Variants in ISL1 observed in about 807,000 individuals in gnomAD.
ISL1 encodes insulin gene enhancer protein ISL-1.
Under a neutral mutation model 35.3 loss-of-function variants are expected in ISL1, and 4 were observed. That is an observed-to-expected ratio of 0.11 (90% CI 0.06 to 0.26). The LOEUF is 0.26. Ranked by LOEUF, ISL1 falls within the 10% of genes least tolerant of loss-of-function variation. The pLI, the probability that ISL1 is intolerant of heterozygous loss-of-function variation, is 1.00. For missense variants in ISL1, 340 were observed against 472.8 expected, an observed-to-expected ratio of 0.72 and a Z score of 2.60; for synonymous variants, 186 against 172.3, an observed-to-expected ratio of 1.08 and a Z score of -0.62.
chr5:51,386,376 CTGTGTGTGTGTGTGTGTGTG>C (rs3138746), intron 2 of ISL1: 4 of 262,662 alleles, frequency 1.5e-5, no homozygotes, highest in South Asian at 3.6e-5. Context: ...TCTCTCAACT[CTGTGTGTGTGTGTGTGTGTG>C]TGTGTGTGTG....
chr5:51,391,527 G>A (rs2111855066), intron 5 of ISL1, 86 bp downstream of exon 5: 1 of 1,498,006 alleles, frequency 6.7e-7, no homozygotes, highest in Non-Finnish European at 9.2e-7. Context: ...ATTCAGTGGG[G>A]AGGGTGCCTT....
At position 51,387,562 on chromosome 5, in the gene ISL1, C is replaced by T. The variant is rs1482189050; in HGVS notation, c.291C>T (p.Ser97=). The change falls in exon 3 of 6, where the codon TCC becomes TCT. Residue 97 remains serine (S), a synonymous_variant. Transcript: ENST00000230658. This position sits in a 1 kb window ranked among gnomAD's most constrained non-coding sequence, Gnocchi z 4.3. ...SKNDFVMRAR[S]KVYHIECFRC... The stretch of plus-strand genomic sequence containing the variant: ...ACGACTTCGTGATGCGTGCCCGCTC[C>T]AAGGTGTATCACATCGAGTGTTTCC... The T allele has an allele frequency of 1.9e-6, 3 of 1,614,228 alleles. No individual in the cohort carries two copies. Among genetic ancestry groups the T allele is most frequent in the Non-Finnish European group, 1.7e-6 (2 of 1,180,038 alleles).
At chr5:51,388,322 A>G (rs900243558) in intron 3 of ISL1, among the ~76,000 whole-genome samples, 2 of 152,210 alleles carry the variant, frequency 1.3e-5, no homozygotes, top group African/African-American at 4.8e-5. Flanking sequence ...AGGCCATTGC[A>G]CAGAGTTGTA....
At position 51,383,637 on chromosome 5, in the gene ISL1, C is replaced by G. The variant is rs375345896; in HGVS notation, c.-35C>G. 2 of 1,578,404 alleles carry G rather than the reference C, an allele frequency of 1.3e-6. No individual in the cohort carries two copies. Among genetic ancestry groups the G allele is most frequent in the Admixed American group, 3.3e-5 (2 of 59,970 alleles). ...GGGCTGTTCACCAACTGTACAACCA[C>G]CATTTCACTGTGGACATTACTCCCT... On this transcript the variant is annotated 5_prime_UTR_variant, in exon 1 of 6. Coordinates refer to ENST00000230658, the MANE Select transcript of ISL1 (RefSeq NM_002202.3).
chr5:51,384,629 T>C lies in ISL1; in HGVS notation c.117T>C (p.His39=), dbSNP rs1561205748. The C allele has an allele frequency of 1.2e-6, 2 of 1,614,162 alleles. No homozygotes were observed. Among genetic ancestry groups the C allele is most frequent in the Admixed American group, 1.7e-5 (1 of 60,020 alleles). ...GGGTTTCTCCGGATTTGGAATGGCA[T>C]GCGGCATGTTTGAAATGTGCGGAGT... ...ILRVSPDLEW[H]AACLKCAECN... is the part of the protein sequence containing the mutation. The change falls in exon 2 of 6, where the codon CAT becomes CAC. Residue 39 remains histidine (H), a synonymous_variant. Coordinates refer to ENST00000230658, the MANE Select transcript of ISL1 (RefSeq NM_002202.3).
At chr5:51,390,520 A>G (rs1162661326) in intron 4 of ISL1, among the ~76,000 whole-genome samples, 1 of 152,054 alleles carries the variant, frequency 6.6e-6, no homozygotes, top group Non-Finnish European at 1.5e-5. Flanking sequence ...CCACAGAGGC[A>G]TCAGGCCCCT....
chr5:51,393,542 G>C lies in ISL1; in HGVS notation c.982G>C (p.Val328Leu). 1 of 1,614,002 alleles carries C rather than the reference G, an allele frequency of 6.2e-7. No homozygotes were observed. Residue 328 changes from valine (V) to leucine (L), a missense_variant, in exon 6 of 6, where the codon GTA becomes CTA. Coordinates refer to ENST00000230658, the MANE Select transcript of ISL1 (RefSeq NM_002202.3). ...GPGSNSTGSE[V>L]ASMSSQLPDT... ...GGGCTCTAATTCCACTGGCAGTGAA[G>C]TAGCATCAATGTCCTCTCAACTTCC...
At chr5:51,386,362 ACTCT>A (rs1391564418) in intron 2 of ISL1, 3 of 282,652 alleles carry the variant, frequency 1.1e-5, no homozygotes, top group East Asian at 9.1e-5. Context: ...CCTTCTCTTC[ACTCT>A]CTCTCAACTC....
At chr5:51,384,402 C>T (rs756832702) in intron 1 of ISL1, 139 bp from the exon 2 acceptor site, 59 of 683,820 alleles carry the variant, frequency 8.6e-5, no homozygotes, top group Admixed American at 1.5e-4. Flanking sequence ...GTGCAATGCT[C>T]TAAAAAAAAA....
chr5:51,393,534 G>C lies in ISL1; in HGVS notation c.974G>C (p.Gly325Ala), dbSNP rs1747565748. The change falls in exon 6 of 6, where the codon GGC becomes GCC. Residue 325 changes from glycine (G) to alanine (A), a missense_variant. This residue lies in a region of ISL1 where 104 missense variants were observed against 97.3 expected (regional missense o/e 1.07). Transcript: ENST00000230658. ...SEGGPGSNST[G>A]SEVASMSSQL... ...GGAGGACCGGGCTCTAATTCCACTG[G>C]CAGTGAAGTAGCATCAATGTCCTCT... 1.2e-6 allele frequency: 2 copies of C among 1,613,778 alleles called. No homozygotes were observed. The highest frequency in any genetic ancestry group is 1.7e-5 in the Admixed American group (1 of 60,004).
In ISL1 at chr5:51,383,520, G is replaced by A. The variant is rs1179303013; in HGVS notation, c.-152G>A. The A allele has an allele frequency of 2.6e-5, 19 of 744,868 alleles. No homozygotes were observed. The East Asian group carries it at 4.8e-4, about 19-fold the overall frequency. 46.1% of individuals were successfully genotyped at this position (744,868 alleles called of 1,614,324 possible). A position where few individuals can be genotyped will look rare whatever the true frequency, so the allele number is the denominator to read the frequency against. On this transcript the variant is annotated 5_prime_UTR_variant, in exon 1 of 6. Coordinates refer to ENST00000230658, the MANE Select transcript of ISL1 (RefSeq NM_002202.3). ...TAAATTGGACTCCTAGATCCGCGAG[G>A]GCGCGGCGCAGCCGAGCAGCGGCTC...
At position 51,387,426 on chromosome 5, in the gene ISL1, A is replaced by ACC. The variant is rs1267354100; in HGVS notation, c.219-60_219-59dup. ...GCCAGGGAAGTGCCGGCCTGAAGTG[A>ACC]CCCCCTCTTCCTGTACTTCTCTCCC... On this transcript the variant is annotated intron_variant, in intron 2 of 5. Transcript: ENST00000230658. The surrounding 1 kb of genome is among the most constrained non-coding windows in gnomAD (Gnocchi z 4.3). 1.3e-6 allele frequency: 2 copies of ACC among 1,571,276 alleles called. No individual in the cohort carries two copies. The highest frequency in any genetic ancestry group is 1.8e-4 in the Middle Eastern group (1 of 5,682).
At position 51,384,573 on chromosome 5, in the gene ISL1, G is replaced by C; in HGVS notation, c.61G>C (p.Gly21Arg). 6.2e-7 allele frequency: 1 copy of C among 1,614,068 alleles called. No individual in the cohort carries two copies. The change falls in exon 2 of 6, where the codon GGC (glycine) becomes CGC (arginine). Residue 21 changes from glycine to arginine, a missense_variant. Physicochemically the swap from Gly to Arg is moderately radical, Grantham distance 125. This residue lies in a region of ISL1 where 70 missense variants were observed against 130.3 expected (regional missense o/e 0.54). Transcript: ENST00000230658. Reference sequence around the variant, plus strand: ...TCTGATTTCCCTATGTGTTGGTTGCGGCAATCAGATTCACGATCAGTATAT... The same window carrying C: ...TCTGATTTCCCTATGTGTTGGTTGCCGCAATCAGATTCACGATCAGTATAT... Reference protein sequence around the residue: ...KRLISLCVGCGNQIHDQYILR... With the variant: ...KRLISLCVGCRNQIHDQYILR...
Position 51,387,882 on chromosome 5 carries a change from A to T in ISL1, c.478+133A>T. ...CAGTTAAATGAAGTGTTCTGTATGCAATTTGCGCTGTGCTCTGCTCCTTTG... is the reference window on the plus strand; with the variant it reads ...CAGTTAAATGAAGTGTTCTGTATGCTATTTGCGCTGTGCTCTGCTCCTTTG... On this transcript the variant is annotated intron_variant, in intron 3 of 5. Coordinates refer to ENST00000230658, the MANE Select transcript of ISL1 (RefSeq NM_002202.3). This position sits in a 1 kb window ranked among gnomAD's most constrained non-coding sequence, Gnocchi z 4.3. 1 of 1,211,526 alleles carries T rather than the reference A, an allele frequency of 8.3e-7. No individual in the cohort carries two copies. Among genetic ancestry groups the T allele is most frequent in the South Asian group, 1.4e-5 (1 of 73,888 alleles). The allele number at this position is 1,211,526 out of a possible 1,614,324, so 75.0% of individuals were successfully genotyped here.
intron 3 of ISL1, among the ~76,000 whole-genome samples, chr5:51,388,294 TAC>T (rs1176047890): frequency 3.3e-5 from 5 of 152,234 alleles, no homozygotes; most frequent in Non-Finnish European, 5.9e-5. Context: ...ACTGAAAAGA[TAC>T]AGTTTTAAAA....
intron 2 of ISL1, among the ~76,000 whole-genome samples, chr5:51,385,679 G>C (rs1368314096): frequency 1.3e-5 from 2 of 151,574 alleles, no homozygotes; most frequent in Non-Finnish European, 2.9e-5. Context: ...TTCTGCCTTA[G>C]AAAGCCAGTA....
chr5:51,387,458 G>C lies in ISL1; in HGVS notation c.219-32G>C, dbSNP rs1413756599. On this transcript the variant is annotated intron_variant, in intron 2 of 5. Coordinates refer to ENST00000230658, the MANE Select transcript of ISL1 (RefSeq NM_002202.3). The surrounding 1 kb of genome is among the most constrained non-coding windows in gnomAD (Gnocchi z 4.3). Reference sequence around the variant, plus strand: ...CTTCCTGTACTTCTCTCCCCGCTCTGGGCCGCCTCCGCTCCCCCCTCCCCC... The same window carrying C: ...CTTCCTGTACTTCTCTCCCCGCTCTCGGCCGCCTCCGCTCCCCCCTCCCCC... 2 of 1,612,464 alleles carry C rather than the reference G, an allele frequency of 1.2e-6. No individual in the cohort carries two copies. Among genetic ancestry groups the C allele is most frequent in the Non-Finnish European group, 1.7e-6 (2 of 1,179,398 alleles).
At chr5:51,390,948 G>T (rs1488564845) in intron 4 of ISL1, among the ~76,000 whole-genome samples, 1 of 151,876 alleles carries the variant, frequency 6.6e-6, no homozygotes, top group Non-Finnish European at 1.5e-5. Flanking sequence ...CAGCTTTTTA[G>T]TTCTGGGAAG....
rs2111842578 is a variant in ISL1, at chr5:51,387,574, C to T, written c.303C>T (p.His101=). 6.2e-7 allele frequency: 1 copy of T among 1,614,246 alleles called. No individual in the cohort carries two copies. The highest frequency in any genetic ancestry group is 2.2e-5 in the East Asian group (1 of 44,858). Residue 101 remains histidine (H), a synonymous_variant, in exon 3 of 6, where the codon CAC becomes CAT. Transcript: ENST00000230658. The surrounding 1 kb of genome is among the most constrained non-coding windows in gnomAD (Gnocchi z 4.3). ...TGCGTGCCCGCTCCAAGGTGTATCA[C>T]ATCGAGTGTTTCCGCTGTGTGGCCT... is the stretch of plus-strand genomic sequence containing the variant. The part of the protein sequence containing the change: ...FVMRARSKVY[H]IECFRCVACS...
Sources: allele counts gnomAD v4.1 joint callset (sites outside exome capture counted in the v4.1 genomes callset), GRCh38; gene constraint gnomAD v4.1.1; regional missense constraint gnomAD v4.1.1; non-coding constraint Gnocchi (gnomAD v3.1); transcripts MANE v1.5; gene names NCBI Gene and HGNC (gene_info 2026-07-23, HGNC 2026-07-21).